Variants in HIRA observed in about 807,000 individuals in gnomAD.
The protein encoded by HIRA is protein HIRA.
Under a neutral mutation model 126.6 loss-of-function variants are expected in HIRA, and 13 were observed. The ratio of observed to expected loss-of-function variants is 0.10; its 90% CI spans 0.07 to 0.16. The LOEUF (loss-of-function observed/expected upper bound fraction) is 0.16, where lower values mean the gene tolerates loss of function less well. Among genes scored for constraint, HIRA ranks in the 10% least tolerant of loss-of-function variants. HIRA has a pLI of 1.00. For missense variants in HIRA, 834 were observed against 1,314.4 expected (o/e 0.63, Z 5.65); for synonymous variants, 511 against 520.0 (o/e 0.98, Z 0.24).
chr22:19,382,898 C>A (rs778805270), intron 13 of HIRA, among the ~76,000 whole-genome samples: 12 of 152,152 alleles, frequency 7.9e-5, no homozygotes, highest in Non-Finnish European at 1.8e-4. Context: ...TTCTCTGTCC[C>A]CCACAGGGAA....
Position 19,388,566 on chromosome 22 carries a change from G to A in HIRA, c.937-12C>T. 1 of 1,608,072 alleles carries A rather than the reference G, an allele frequency of 6.2e-7. No individual in the cohort carries two copies. The highest frequency in any genetic ancestry group is 8.5e-7 in the Non-Finnish European group (1 of 1,174,516). ...TTCAGACATGTGAGCTGGAAGGAAA[G>A]ACACAGTCAAGGTTAATGAAATTAC... On this transcript the variant is annotated splice_polypyrimidine_tract_variant and intron_variant, in intron 9 of 24. Coordinates refer to ENST00000263208, the MANE Select transcript of HIRA (RefSeq NM_003325.4).
At chr22:19,378,781 T>G (rs1356700211) in intron 13 of HIRA, among the ~76,000 whole-genome samples, 1 of 152,218 alleles carries the variant, frequency 6.6e-6, no homozygotes, top group Non-Finnish European at 1.5e-5. Context: ...ACACCTAAGA[T>G]TCACATAATA....
At chr22:19,352,915 G>A (rs2088773102) in intron 23 of HIRA, among the ~76,000 whole-genome samples, 1 of 152,246 alleles carries the variant, frequency 6.6e-6, no homozygotes, top group South Asian at 2.1e-4. Flanking sequence ...CTGGCGGGAA[G>A]TGCCAGAAAT....
At chr22:19,423,482 T>C (rs900304288) in intron 1 of HIRA, among the ~76,000 whole-genome samples, 16 of 111,296 alleles carry the variant, frequency 1.4e-4, no homozygotes, top group South Asian at 3.2e-4. Context: ...CACACATGCA[T>C]ACACACACAC....
rs748686457 is a variant in HIRA, at chr22:19,359,521, G to A, written c.2086-37C>T. 3.3e-6 allele frequency: 5 copies of A among 1,531,650 alleles called. No homozygotes were observed. The East Asian group carries it at 1.3e-4, about 39-fold the overall frequency. The allele number at this position is 1,531,650 out of a possible 1,614,324, so 94.9% of individuals were successfully genotyped here. A position where few individuals can be genotyped will look rare whatever the true frequency, so the allele number is the denominator to read the frequency against. ...AAACACACGGGTCTGCTCAGACAAG[G>A]GCCGCAGCCCAGGTGACATGCTCCA... On this transcript the variant is annotated intron_variant, in intron 17 of 24. Transcript: ENST00000263208.
At chr22:19,421,057 G>A (rs2089442171) in intron 1 of HIRA, among the ~76,000 whole-genome samples, 1 of 152,178 alleles carries the variant, frequency 6.6e-6, no homozygotes, top group African/African-American at 2.4e-5. Context: ...CAGCACTTTG[G>A]GAGGTCGAGG....
At chr22:19,389,290 C>T (rs778006510) in intron 9 of HIRA, among the ~76,000 whole-genome samples, 1 of 152,152 alleles carries the variant, frequency 6.6e-6, no homozygotes, top group Non-Finnish European at 1.5e-5. Flanking sequence ...TATCGAGTCA[C>T]TCAATTGCTG....
At chr22:19,339,914 T>G (rs564792880) in intron 24 of HIRA, among the ~76,000 whole-genome samples, 64 of 152,340 alleles carry the variant, frequency 4.2e-4, no homozygotes, top group South Asian at 2.1e-3. Flanking sequence ...TGGGACCAGA[T>G]GGATTCACAG....
chr22:19,378,014 C>T lies in HIRA; in HGVS notation c.1468G>A (p.Gly490Ser), dbSNP rs143389505. 1.2e-6 allele frequency: 2 copies of T among 1,606,906 alleles called. No individual in the cohort carries two copies. Among genetic ancestry groups the T allele is most frequent in the Non-Finnish European group, 1.7e-6 (2 of 1,176,586 alleles). ...CTGCTATGAGAAGAGAGCATGGTGCCCGCCAGGGAGCCCGAGAGGGGGATG... is the reference window on the plus strand; with the variant it reads ...CTGCTATGAGAAGAGAGCATGGTGCTCGCCAGGGAGCCCGAGAGGGGGATG... ...NSIPLSGSLA[G>S]TMLSSHSSPQ... is the part of the protein sequence containing the mutation. The change falls in exon 14 of 25, where the codon GGC becomes AGC. Residue 490 changes from glycine (G) to serine (S), a missense_variant. By Grantham distance (56) the Gly-to-Ser change is moderately conservative. Coordinates refer to ENST00000263208, the MANE Select transcript of HIRA (RefSeq NM_003325.4).
intron 1 of HIRA, among the ~76,000 whole-genome samples, chr22:19,429,937 G>T (rs1326641832): frequency 6.6e-6 from 1 of 152,066 alleles, no homozygotes; most frequent in Admixed American, 6.5e-5. Context: ...TACAATATTT[G>T]TCCAGTTCTC....
chr22:19,388,528 C>A lies in HIRA; in HGVS notation c.963G>T (p.Val321=), dbSNP rs770977804. ...ATTTGTCAAACAGTTCATGGATGAC[C>A]ACCAGCGGCCGTTTCAGACATGTGA... ...VWLTCLKRPL[V]VIHELFDKSI... is the part of the protein sequence containing the mutation. The change falls in exon 10 of 25, where the codon GTG becomes GTT. Residue 321 remains valine, a synonymous_variant. Coordinates refer to ENST00000263208, the MANE Select transcript of HIRA (RefSeq NM_003325.4). The A allele has an allele frequency of 8.1e-6, 13 of 1,613,774 alleles. No individual in the cohort carries two copies. The highest frequency in any genetic ancestry group is 1.1e-5 in the Non-Finnish European group (13 of 1,179,650).
intron 1 of HIRA, among the ~76,000 whole-genome samples, chr22:19,420,469 A>AAAAAAC (rs1556028320): frequency 6.1e-5 from 8 of 131,474 alleles, no homozygotes; most frequent in Non-Finnish European, 1.0e-4. Flanking sequence ...TCTCAAAAAA[A>AAAAAAC]AAAAAAAAAA....
chr22:19,363,263 A>C (rs146404323), intron 15 of HIRA, among the ~76,000 whole-genome samples: 10 of 151,950 alleles, frequency 6.6e-5, no homozygotes, highest in African/African-American at 2.4e-4. Flanking sequence ...CAAAAAAAAG[A>C]AATGGGTTTA....
At chr22:19,388,976 C>T (rs559369585) in intron 9 of HIRA, among the ~76,000 whole-genome samples, 1 of 152,296 alleles carries the variant, frequency 6.6e-6, no homozygotes, top group East Asian at 1.9e-4. Flanking sequence ...GAACACAACA[C>T]ATCTTCCCTG....
intron 18 of HIRA, among the ~76,000 whole-genome samples, chr22:19,357,770 T>C (rs1210715): frequency 0.86 from 131,499 of 152,160 alleles, 58,206 homozygotes; most frequent in Non-Finnish European, 0.96. Flanking sequence ...CCCAGAGCCC[T>C]GCTTTGTGTC....
Position 19,431,613 on chromosome 22 carries a change from C to T in HIRA, c.-137G>A. 1 of 824,976 alleles carries T rather than the reference C, an allele frequency of 1.2e-6. No individual in the cohort carries two copies. The highest frequency in any genetic ancestry group is 1.5e-6 in the Non-Finnish European group (1 of 683,942). 51.1% of individuals were successfully genotyped at this position (824,976 alleles called of 1,614,324 possible). A position where few individuals can be genotyped will look rare whatever the true frequency, so the allele number is the denominator to read the frequency against. On this transcript the variant is annotated 5_prime_UTR_variant, in exon 1 of 25. Coordinates refer to ENST00000263208, the MANE Select transcript of HIRA (RefSeq NM_003325.4). ...GCCCGCCCCGCGCCCTCAGGGCCGC[C>T]GCGCCATCGCCGGCCCGCGCCCCCC...
chr22:19,423,237 C>A (rs564896650), intron 1 of HIRA, among the ~76,000 whole-genome samples: 5 of 152,282 alleles, frequency 3.3e-5, no homozygotes, highest in Non-Finnish European at 7.4e-5. Flanking sequence ...CAGCATTCCT[C>A]ATCTCTAAGT....
intron 1 of HIRA, among the ~76,000 whole-genome samples, chr22:19,416,619 G>A (rs376459037): frequency 4.8e-4 from 73 of 152,192 alleles, no homozygotes; most frequent in African/African-American, 1.5e-3. Context: ...GATTATAGGC[G>A]TGCACCACTG....
intron 24 of HIRA, among the ~76,000 whole-genome samples, chr22:19,341,658 C>T (rs1315121434): frequency 2.0e-5 from 3 of 152,054 alleles, no homozygotes; most frequent in African/African-American, 7.2e-5. Flanking sequence ...ATACTTACAG[C>T]CAACAGATCT....
Sources: allele counts gnomAD v4.1 joint callset (sites outside exome capture counted in the v4.1 genomes callset), GRCh38; gene constraint gnomAD v4.1.1; transcripts MANE v1.5; gene names NCBI Gene and HGNC (gene_info 2026-07-23, HGNC 2026-07-21).